Variants in FXN observed in about 807,000 individuals in gnomAD.
The protein encoded by FXN is frataxin, mitochondrial.
Under a neutral mutation model 22.4 loss-of-function variants are expected in FXN, and 14 were observed. The ratio of observed to expected loss-of-function variants is 0.62; its 90% CI spans 0.41 to 0.98. FXN has a LOEUF of 0.98. Among genes scored for constraint, FXN ranks in the 50% least tolerant of loss-of-function variants. FXN has a pLI of 0.00. For missense variants in FXN, 267 were observed against 268.4 expected (o/e 0.99, Z 0.04); for synonymous variants, 120 against 114.1 (o/e 1.05, Z -0.33).
intron 3 of FXN, among the ~76,000 whole-genome samples, chr9:69,064,104 G>C (rs1253838488): frequency 6.6e-6 from 1 of 152,216 alleles, no homozygotes; most frequent in Non-Finnish European, 1.5e-5. Context: ...TCATGCACAA[G>C]ATGGGGAACA....
chr9:69,056,487 A>C (rs1831960810), intron 3 of FXN, among the ~76,000 whole-genome samples: 1 of 152,182 alleles, frequency 6.6e-6, no homozygotes, highest in South Asian at 2.1e-4. Context: ...GGGCAACAAA[A>C]TGAGACTGCA....
chr9:69,041,535 CA>C (rs1300763531), intron 1 of FXN, among the ~76,000 whole-genome samples: 1 of 152,152 alleles, frequency 6.6e-6, no homozygotes, highest in Non-Finnish European at 1.5e-5. Context: ...AATTGCTGGG[CA>C]AAGGGGCAGC....
intron 1 of FXN, 26 bp downstream of exon 1, chr9:69,035,973 G>A (rs1831542444): frequency 4.9e-6 from 7 of 1,416,846 alleles, no homozygotes; most frequent in Non-Finnish European, 6.4e-6. Flanking sequence ...GGGAACAGCC[G>A]CGGGCCGCAC....
chr9:69,052,013 A>G (rs1831859295), intron 2 of FXN, among the ~76,000 whole-genome samples: 1 of 151,830 alleles, frequency 6.6e-6, no homozygotes, highest in African/African-American at 2.4e-5. Flanking sequence ...ATGCCCAGCT[A>G]ATTTTTGTAT....
At chr9:69,047,285 T>C (rs1484747046) in intron 2 of FXN, among the ~76,000 whole-genome samples, 2 of 151,410 alleles carry the variant, frequency 1.3e-5, no homozygotes, top group Admixed American at 6.6e-5. Flanking sequence ...ACATGCAGTC[T>C]CCTCTCTCCC....
intron 3 of FXN, among the ~76,000 whole-genome samples, chr9:69,057,216 G>T (rs1831976711): frequency 6.6e-6 from 1 of 152,076 alleles, no homozygotes; most frequent in South Asian, 2.1e-4. Flanking sequence ...GATATCTCTG[G>T]GCTCCCCTTG....
Position 69,072,983 on chromosome 9 carries a change from G to T in FXN, c.*221G>T. 1 of 1,432,184 alleles carries T rather than the reference G, an allele frequency of 7.0e-7. No individual in the cohort carries two copies. The highest frequency in any genetic ancestry group is 9.1e-7 in the Non-Finnish European group (1 of 1,100,866). 88.7% of individuals were successfully genotyped at this position (1,432,184 alleles called of 1,614,324 possible). ...ATTTCTATGGAAGATTTTTTGGATT[G>T]TCGGATTTCCTCCCTCACATGATAC... is the stretch of plus-strand genomic sequence containing the variant. On this transcript the variant is annotated 3_prime_UTR_variant, in exon 5 of 5. Coordinates refer to ENST00000484259, the MANE Select transcript of FXN (RefSeq NM_000144.5).
At chr9:69,069,374 GAGA>G (rs1159858579) in intron 4 of FXN, among the ~76,000 whole-genome samples, 2 of 152,090 alleles carry the variant, frequency 1.3e-5, no homozygotes, top group African/African-American at 4.8e-5. Flanking sequence ...AAAAAAGGAG[GAGA>G]AGAAGGAAAG....
intron 4 of FXN, among the ~76,000 whole-genome samples, chr9:69,066,228 A>G (rs1832163497): frequency 6.6e-6 from 1 of 152,256 alleles, no homozygotes; most frequent in Admixed American, 6.5e-5. Flanking sequence ...AGGGCCAGAT[A>G]AAACTAGCAT....
chr9:69,073,526 G>T lies in FXN; in HGVS notation c.*764G>T. On this transcript the variant is annotated 3_prime_UTR_variant, in exon 5 of 5. Transcript: ENST00000484259. ...GTTTTCATGAGCTGAGTGATGTAGC[G>T]TAACAAACAAAATCATGGAGCTGAG... The T allele has an allele frequency of 7.1e-6, 7 of 985,430 alleles. No homozygotes were observed. The highest frequency in any genetic ancestry group is 8.4e-6 in the Non-Finnish European group (7 of 829,954). The allele number at this position is 985,430 out of a possible 1,614,324, so 61.0% of individuals were successfully genotyped here.
intron 2 of FXN, among the ~76,000 whole-genome samples, chr9:69,049,843 T>TTTAA (rs1831820224): frequency 6.6e-6 from 1 of 152,188 alleles, no homozygotes; most frequent in Non-Finnish European, 1.5e-5. Context: ...ATCTACTTTC[T>TTTAA]GTCTCTGTGG....
intron 1 of FXN, among the ~76,000 whole-genome samples, chr9:69,042,691 AAC>A (rs148566764): frequency 4.6e-5 from 7 of 151,856 alleles, no homozygotes; most frequent in Admixed American, 6.6e-5. Flanking sequence ...TATTAAATTA[AAC>A]ACACACACAC....
chr9:69,078,310 C>T lies in FXN; in HGVS notation c.*5548C>T. 1.0e-6 allele frequency: 1 copy of T among 985,496 alleles called. No homozygotes were observed. The highest frequency in any genetic ancestry group is 1.2e-6 in the Non-Finnish European group (1 of 829,994). The allele number at this position is 985,496 out of a possible 1,614,324, so 61.0% of individuals were successfully genotyped here. A position where few individuals can be genotyped will look rare whatever the true frequency, so the allele number is the denominator to read the frequency against. On this transcript the variant is annotated 3_prime_UTR_variant, in exon 5 of 5. Coordinates refer to ENST00000484259, the MANE Select transcript of FXN (RefSeq NM_000144.5). ...CCTGATCCTGCTGGGATTCCTCTTG[C>T]CAGTCCATCAGCAGTTCCCCTTGAA...
At chr9:69,038,105 C>G (rs530802574) in intron 1 of FXN, among the ~76,000 whole-genome samples, 1 of 152,366 alleles carries the variant, frequency 6.6e-6, no homozygotes, top group Admixed American at 6.5e-5. Context: ...AGATGGTTAG[C>G]AACCTCTGTC....
chr9:69,077,617 C>T lies in FXN; in HGVS notation c.*4855C>T. 1 of 985,458 alleles carries T rather than the reference C, an allele frequency of 1.0e-6. No homozygotes were observed. Among genetic ancestry groups the T allele is most frequent in the Non-Finnish European group, 1.2e-6 (1 of 829,988 alleles). 61.0% of individuals were successfully genotyped at this position (985,458 alleles called of 1,614,324 possible). Reference sequence around the variant, plus strand: ...GTGATCTGTGGGAACATTGTTAACGCCACATCTTGACCTCAAATTGTTTAG... The same window carrying T: ...GTGATCTGTGGGAACATTGTTAACGTCACATCTTGACCTCAAATTGTTTAG... On this transcript the variant is annotated 3_prime_UTR_variant, in exon 5 of 5. Transcript: ENST00000484259.
chr9:69,036,755 A>G (rs747181537), intron 1 of FXN, among the ~76,000 whole-genome samples: 3 of 152,234 alleles, frequency 2.0e-5, no homozygotes, highest in Non-Finnish European at 4.4e-5. Flanking sequence ...ACAAAGAAAT[A>G]TCTGACCCAG....
chr9:69,073,128 G>A lies in FXN; in HGVS notation c.*366G>A. ...GAATTGTCTTCACTCTTCATTCTTT[G>A]AAGGATTTACTGCAAGAAGTACATG... On this transcript the variant is annotated 3_prime_UTR_variant, in exon 5 of 5. Transcript: ENST00000484259. 1 of 1,137,470 alleles carries A rather than the reference G, an allele frequency of 8.8e-7. No homozygotes were observed. Among genetic ancestry groups the A allele is most frequent in the Non-Finnish European group, 1.1e-6 (1 of 921,986 alleles). 70.5% of individuals were successfully genotyped at this position (1,137,470 alleles called of 1,614,324 possible). A position where few individuals can be genotyped will look rare whatever the true frequency, so the allele number is the denominator to read the frequency against.
chr9:69,073,964 A>T lies in FXN; in HGVS notation c.*1202A>T, dbSNP rs984573808. On this transcript the variant is annotated 3_prime_UTR_variant, in exon 5 of 5. Transcript: ENST00000484259. The stretch of plus-strand genomic sequence containing the variant: ...TTTTGGAGGCCAAGGTGGGTGGATC[A>T]CCTGAGGTCAGGAGTTCAAGACCAG... 8.6e-6 allele frequency: 6 copies of T among 698,448 alleles called. No homozygotes were observed. In the African/African-American group the frequency reaches 1.2e-4, roughly 14 times the overall value. The allele number at this position is 698,448 out of a possible 1,614,324, so 43.3% of individuals were successfully genotyped here.
intron 1 of FXN, among the ~76,000 whole-genome samples, chr9:69,038,036 C>G (rs548678937): frequency 6.6e-6 from 1 of 152,346 alleles, no homozygotes; most frequent in East Asian, 1.9e-4. Flanking sequence ...GGGCTATTGA[C>G]TGACAAACAC....
Sources: gnomAD v4.1 joint callset for allele counts (sites outside exome capture counted in the v4.1 genomes callset) on GRCh38, gnomAD v4.1.1 for gene constraint, MANE v1.5 for transcripts, NCBI Gene and HGNC (gene_info 2026-07-23, HGNC 2026-07-21) for gene names.